CA1: variants seen among roughly 807,000 people sequenced by gnomAD.
CA1 encodes carbonate dehydratase I.
Under a neutral mutation model 28.8 loss-of-function variants are expected in CA1, and 27 were observed. The ratio of observed to expected loss-of-function variants is 0.94; its 90% CI spans 0.69 to 1.29. The LOEUF (loss-of-function observed/expected upper bound fraction) is 1.29, where lower values mean the gene tolerates loss of function less well. Ranked by LOEUF, CA1 falls within the 50% of genes most tolerant of loss-of-function variation. The probability of loss-of-function intolerance (pLI) is 0.00; values close to 1 mark genes in which losing one functional copy is unlikely to be tolerated. For synonymous variants in CA1, 121 were observed against 108.8 expected, an observed-to-expected ratio of 1.11 and a Z score of -0.70; for missense variants, 335 against 310.5, an observed-to-expected ratio of 1.08 and a Z score of -0.59.
At chr8:85,376,657 AAAAAT>A (rs1433871943) in intron 1 of CA1, among the ~76,000 whole-genome samples, 23 of 135,082 alleles carry the variant, frequency 1.7e-4, no homozygotes, top group Non-Finnish European at 3.3e-4. Flanking sequence ...AAATTGTCTC[AAAAAT>A]AAATAAATAA....
chr8:85,371,480 C>G (rs751429053), intron 1 of CA1, among the ~76,000 whole-genome samples: 1 of 152,016 alleles, frequency 6.6e-6, no homozygotes, highest in Non-Finnish European at 1.5e-5. Flanking sequence ...AAGGCAACCC[C>G]CAAAGAACGG....
intron 1 of CA1, among the ~76,000 whole-genome samples, chr8:85,351,214 C>T (rs978777357): frequency 2.6e-5 from 4 of 152,228 alleles, no homozygotes; most frequent in Non-Finnish European, 5.9e-5. Context: ...GGAGCATTGA[C>T]TGTTTATGTA....
intron 1 of CA1, among the ~76,000 whole-genome samples, chr8:85,351,454 A>G (rs911768667): frequency 1.3e-5 from 2 of 152,252 alleles, no homozygotes; most frequent in African/African-American, 4.8e-5. Context: ...GGTGTATTTC[A>G]TTAGATCTAA....
At chr8:85,366,043 T>C (rs1809993622) in intron 1 of CA1, among the ~76,000 whole-genome samples, 1 of 152,146 alleles carries the variant, frequency 6.6e-6, no homozygotes, top group South Asian at 2.1e-4. Context: ...CAATGTCCTA[T>C]GTACAGCTTG....
At chr8:85,372,752 A>G (rs926080546) in intron 1 of CA1, among the ~76,000 whole-genome samples, 1 of 152,216 alleles carries the variant, frequency 6.6e-6, no homozygotes, top group Admixed American at 6.5e-5. Flanking sequence ...CATTCTGAGT[A>G]GTGTGATGAC....
At chr8:85,371,106 G>T (rs1406847034) in intron 1 of CA1, among the ~76,000 whole-genome samples, 1 of 152,002 alleles carries the variant, frequency 6.6e-6, no homozygotes, top group Non-Finnish European at 1.5e-5. Context: ...GCAGTTAGAG[G>T]GAGTTTAAAG....
At chr8:85,377,235 A>C (rs1410137085) in intron 1 of CA1, among the ~76,000 whole-genome samples, 1 of 152,166 alleles carries the variant, frequency 6.6e-6, no homozygotes, top group East Asian at 1.9e-4. Flanking sequence ...GTTTAAGAGA[A>C]CATAACTTAC....
chr8:85,363,561 C>T (rs1415061136), intron 1 of CA1, among the ~76,000 whole-genome samples: 2 of 152,112 alleles, frequency 1.3e-5, no homozygotes, highest in Non-Finnish European at 2.9e-5. Context: ...GGGTCCAGGC[C>T]CACCAGCTTG....
intron 1 of CA1, among the ~76,000 whole-genome samples, chr8:85,354,646 C>G (rs1187697047): frequency 6.6e-6 from 1 of 152,098 alleles, no homozygotes; most frequent in African/African-American, 2.4e-5. Context: ...TCTTTCAAGG[C>G]GGGGAACCAG....
intron 1 of CA1, among the ~76,000 whole-genome samples, chr8:85,376,708 AAAC>A (rs1810433997): frequency 6.8e-6 from 1 of 148,098 alleles, no homozygotes; most frequent in African/African-American, 2.5e-5. Context: ...TAAATAAATA[AAAC>A]TAGGTAAGGG....
At chr8:85,347,434 A>C (rs1048028190) in intron 1 of CA1, among the ~76,000 whole-genome samples, 2 of 152,214 alleles carry the variant, frequency 1.3e-5, no homozygotes, top group East Asian at 3.8e-4. Context: ...GGTGTATTTC[A>C]GTGAAAGCAA....
In CA1 at chr8:85,327,653, A is replaced by AAAAC. The variant is rs200922267; in HGVS notation, c.*903_*906dup. On this transcript the variant is annotated 3_prime_UTR_variant, in exon 8 of 8. Transcript: ENST00000523022. The stretch of plus-strand genomic sequence containing the variant: ...CTGGCAGAGTGAGACCTTGTCTCAA[A>AAAAC]AAACAAACAAACAAACAGAAAACAC... 1.3e-5 allele frequency: 2 copies of AAAAC among 152,204 alleles called. No individual in the cohort carries two copies. Among genetic ancestry groups the AAAAC allele is most frequent in the African/African-American group, 4.8e-5 (2 of 41,438 alleles). The allele number at this position is 152,204 out of a possible 1,614,324, so 9.4% of individuals were successfully genotyped here. A position where few individuals can be genotyped will look rare whatever the true frequency, so the allele number is the denominator to read the frequency against.
chr8:85,341,654 C>A lies in CA1; in HGVS notation c.-19G>T, dbSNP rs1262881042. ...TTGCCATTATCTTCTACTGAGTTTT[C>A]TTTTTCTGAAAACAAAAATAATACC... On this transcript the variant is annotated 5_prime_UTR_variant, in exon 2 of 8. Coordinates refer to ENST00000523022, the MANE Select transcript of CA1 (RefSeq NM_001128831.4). The A allele has an allele frequency of 4.4e-6, 7 of 1,576,430 alleles. No homozygotes were observed. The highest frequency in any genetic ancestry group is 3.3e-5 in the Admixed American group (2 of 59,906).
chr8:85,337,110 T>G, intron 3 of CA1, 47 bp from the exon 4 acceptor site: 3 of 1,025,330 alleles, frequency 2.9e-6, no homozygotes, highest in Non-Finnish European at 4.7e-6. Flanking sequence ...CCACAAACTC[T>G]AGCTTATCTT....
chr8:85,339,645 G>T (rs1271612699), intron 2 of CA1, among the ~76,000 whole-genome samples: 1 of 152,206 alleles, frequency 6.6e-6, no homozygotes, highest in Non-Finnish European at 1.5e-5. Flanking sequence ...CAAGAGTTGA[G>T]ACAGGCCAAA....
At chr8:85,343,415 C>T (rs943965705) in intron 1 of CA1, among the ~76,000 whole-genome samples, 1 of 152,144 alleles carries the variant, frequency 6.6e-6, no homozygotes, top group Non-Finnish European at 1.5e-5. Context: ...CAATTGTCCA[C>T]TGACCTCCAG....
At chr8:85,343,573 C>A (rs1183503237) in intron 1 of CA1, among the ~76,000 whole-genome samples, 3 of 152,120 alleles carry the variant, frequency 2.0e-5, no homozygotes, top group Admixed American at 6.6e-5. Context: ...GGTAATTTGC[C>A]TCCTAATATT....
chr8:85,362,024 T>C (rs1809816868), intron 1 of CA1, among the ~76,000 whole-genome samples: 1 of 152,232 alleles, frequency 6.6e-6, no homozygotes, highest in Non-Finnish European at 1.5e-5. Flanking sequence ...CTGACACTTC[T>C]GGCAGTCACA....
intron 2 of CA1, among the ~76,000 whole-genome samples, chr8:85,340,166 A>T (rs906767484): frequency 6.6e-6 from 1 of 152,216 alleles, no homozygotes; most frequent in Non-Finnish European, 1.5e-5. Flanking sequence ...AAGTCAATGC[A>T]TGGTTTCAAA....
Sources: gnomAD v4.1 joint callset for allele counts (sites outside exome capture counted in the v4.1 genomes callset) on GRCh38, gnomAD v4.1.1 for gene constraint, MANE v1.5 for transcripts, NCBI Gene and HGNC (gene_info 2026-07-23, HGNC 2026-07-21) for gene names.